UBXN2B: variants seen among roughly 807,000 people sequenced by gnomAD.
UBXN2B encodes the protein UBX domain protein 2B.
In UBXN2B, 19 loss-of-function variants were observed where a neutral mutation model predicts 37.5. The ratio of observed to expected loss-of-function variants is 0.51; its 90% CI spans 0.35 to 0.74. The LOEUF (loss-of-function observed/expected upper bound fraction) is 0.74. Among genes scored for constraint, UBXN2B ranks in the 30% least tolerant of loss-of-function variants. UBXN2B has a pLI of 0.01. For missense variants in UBXN2B, 370 were observed against 393.2 expected, an observed-to-expected ratio of 0.94 and a Z score of 0.50; for synonymous variants, 145 against 143.8, an observed-to-expected ratio of 1.01 and a Z score of -0.06.
rs775165230 is a variant in UBXN2B, at chr8:58,447,437, G to A, written c.882G>A (p.Ala294=). Reference sequence around the variant, plus strand: ...TTGTACAGTCTCGTCCTGAATTTGCGGCTCTTGACTTTATTCTTGTGACTT... The same window carrying A: ...TTGTACAGTCTCGTCCTGAATTTGCAGCTCTTGACTTTATTCTTGTGACTT... ...NFIVQSRPEF[A]ALDFILVTSF... is the part of the protein sequence containing the mutation. Residue 294 remains alanine (A), a synonymous_variant, in exon 8 of 8, where the codon GCG becomes GCA. Coordinates refer to ENST00000399598, the MANE Select transcript of UBXN2B (RefSeq NM_001077619.2). 36 of 1,612,496 alleles carry A rather than the reference G, an allele frequency of 2.2e-5. No homozygotes were observed. Among genetic ancestry groups the A allele is most frequent in the Admixed American group, 1.2e-4 (7 of 59,996 alleles).
chr8:58,425,966 C>G, intron 2 of UBXN2B: 1 of 1,441,314 alleles, frequency 6.9e-7, no homozygotes, highest in Admixed American at 1.7e-5. Flanking sequence ...TACAAGAAAA[C>G]TACCATGTTT....
chr8:58,424,965 G>C (rs973005549), intron 2 of UBXN2B: 2 of 800,380 alleles, frequency 2.5e-6, no homozygotes, highest in Non-Finnish European at 4.5e-6. Context: ...CAATCACAAC[G>C]TATGTCCCTG....
At chr8:58,425,285 C>T in intron 2 of UBXN2B, 2 of 1,148,322 alleles carry the variant, frequency 1.7e-6, no homozygotes, top group Middle Eastern at 2.0e-4. Flanking sequence ...TTACTCTATC[C>T]TCTCTCCACT....
At chr8:58,415,153 G>T (rs1035097548) in intron 1 of UBXN2B, among the ~76,000 whole-genome samples, 1 of 151,992 alleles carries the variant, frequency 6.6e-6, no homozygotes, top group Non-Finnish European at 1.5e-5. Flanking sequence ...TGCTTAATAT[G>T]AATGTCATTG....
Position 58,416,771 on chromosome 8 carries a change from T to C in UBXN2B, c.85-79T>C, listed in dbSNP as rs1807794364. On this transcript the variant is annotated intron_variant, in intron 1 of 7. Coordinates refer to ENST00000399598, the MANE Select transcript of UBXN2B (RefSeq NM_001077619.2). ...TCTTTACCACTCAATTTTAAGTTAG[T>C]GTTCTATACATAACTTCTAGTTGTA... is the stretch of plus-strand genomic sequence containing the variant. 5 of 1,173,502 alleles carry C rather than the reference T, an allele frequency of 4.3e-6. No homozygotes were observed. In the African/African-American group the frequency reaches 4.7e-5, roughly 11 times the overall value. 72.7% of individuals were successfully genotyped at this position (1,173,502 alleles called of 1,614,324 possible). A position where few individuals can be genotyped will look rare whatever the true frequency, so the allele number is the denominator to read the frequency against.
rs112065079 is a variant in UBXN2B, at chr8:58,439,785, A to T, written c.671+15A>T. The T allele has an allele frequency of 4.3e-4, 684 of 1,584,730 alleles. 6 individuals carry two copies. In the African/African-American group the frequency reaches 8.6e-3, roughly 20 times the overall value. Reference sequence around the variant, plus strand: ...AAACTTGGAAGGTAAAAATCCTAAAATGAGAAAAATACCTTTGTTGAACAT... The same window carrying T: ...AAACTTGGAAGGTAAAAATCCTAAATTGAGAAAAATACCTTTGTTGAACAT... On this transcript the variant is annotated intron_variant, in intron 6 of 7. Transcript: ENST00000399598.
chr8:58,441,512 A>G (rs1391969048), intron 6 of UBXN2B, among the ~76,000 whole-genome samples: 1 of 152,024 alleles, frequency 6.6e-6, no homozygotes, highest in Admixed American at 6.5e-5. Context: ...CATCTCTTCA[A>G]TATATACATA....
At chr8:58,438,599 G>A (rs1808475166) in intron 5 of UBXN2B, among the ~76,000 whole-genome samples, 1 of 152,216 alleles carries the variant, frequency 6.6e-6, no homozygotes, top group South Asian at 2.1e-4. Flanking sequence ...CTTTTGGAAT[G>A]GGAATGTTTA....
At chr8:58,416,398 T>A (rs1807784566) in intron 1 of UBXN2B, among the ~76,000 whole-genome samples, 1 of 152,120 alleles carries the variant, frequency 6.6e-6, no homozygotes, top group African/African-American at 2.4e-5. Context: ...TTGGTAGACT[T>A]TTAAATAGAA....
intron 5 of UBXN2B, 122 bp downstream of exon 5, chr8:58,434,626 T>C: frequency 1.1e-6 from 1 of 910,476 alleles, no homozygotes; most frequent in Non-Finnish European, 1.6e-6. Flanking sequence ...ATTAAATAAA[T>C]GGTTGCTGGG....
chr8:58,427,792 G>C (rs1808142490), intron 2 of UBXN2B, among the ~76,000 whole-genome samples: 1 of 152,210 alleles, frequency 6.6e-6, no homozygotes, highest in Non-Finnish European at 1.5e-5. Context: ...AGAGTCATCT[G>C]TATAGGAAGA....
Position 58,448,130 on chromosome 8 carries a change from G to T in UBXN2B, c.*579G>T, listed in dbSNP as rs1265399996. ...TTTGCCTTGTATTTTACAGAATTAT[G>T]ACTGTTGTGAACTTAAACAGAAACA... is the stretch of plus-strand genomic sequence containing the variant. On this transcript the variant is annotated 3_prime_UTR_variant, in exon 8 of 8. Transcript: ENST00000399598. The T allele has an allele frequency of 6.6e-6, 1 of 150,650 alleles. No homozygotes were observed. The highest frequency in any genetic ancestry group is 1.5e-5 in the Non-Finnish European group (1 of 67,826). 9.3% of individuals were successfully genotyped at this position (150,650 alleles called of 1,614,324 possible). A position where few individuals can be genotyped will look rare whatever the true frequency, so the allele number is the denominator to read the frequency against.
At chr8:58,426,054 C>T (rs1808075159) in intron 2 of UBXN2B, 4 of 1,387,534 alleles carry the variant, frequency 2.9e-6, no homozygotes, top group Admixed American at 1.7e-5. Context: ...GCAGGATCTG[C>T]ACAGTTCAGA....
In UBXN2B at chr8:58,447,600, A is replaced by G. The variant is rs1808711049; in HGVS notation, c.*49A>G. 1 of 1,493,544 alleles carries G rather than the reference A, an allele frequency of 6.7e-7. No individual in the cohort carries two copies. Among genetic ancestry groups the G allele is most frequent in the Non-Finnish European group, 9.0e-7 (1 of 1,107,344 alleles). 92.5% of individuals were successfully genotyped at this position (1,493,544 alleles called of 1,614,324 possible). Reference sequence around the variant, plus strand: ...CATGTGGGAATAGATGATGTGCCGTATTAATAAGGACAATACTTCAGCATT... The same window carrying G: ...CATGTGGGAATAGATGATGTGCCGTGTTAATAAGGACAATACTTCAGCATT... On this transcript the variant is annotated 3_prime_UTR_variant, in exon 8 of 8. Coordinates refer to ENST00000399598, the MANE Select transcript of UBXN2B (RefSeq NM_001077619.2).
intron 2 of UBXN2B, among the ~76,000 whole-genome samples, chr8:58,423,706 A>G (rs866612661): frequency 1.7e-4 from 25 of 150,922 alleles, no homozygotes; most frequent in Admixed American, 3.3e-4. Flanking sequence ...AAGTGCTGGG[A>G]TTACAGGCGT....
intron 5 of UBXN2B, among the ~76,000 whole-genome samples, chr8:58,439,055 A>G (rs939659746): frequency 6.6e-6 from 1 of 152,120 alleles, no homozygotes; most frequent in Admixed American, 6.5e-5. Flanking sequence ...GCCATGTGAT[A>G]TGCTGGGTCC....
In UBXN2B at chr8:58,432,726, C is replaced by T. The variant is rs150263868; in HGVS notation, c.340-434C>T. ...TGACACAATATTGATATACTAAAGA[C>T]GAACAGTTACGTGTCTTTTGTGGTA... On this transcript the variant is annotated intron_variant, in intron 3 of 7. Transcript: ENST00000399598. Among the ~76,000 whole-genome samples, 552 of 152,232 alleles carry T rather than the reference C, an allele frequency of 3.6e-3. 6 individuals carry two copies. The highest frequency in any genetic ancestry group is 0.013 in the African/African-American group (524 of 41,526).
intron 4 of UBXN2B, among the ~76,000 whole-genome samples, chr8:58,433,835 T>C (rs1182581591): frequency 6.6e-6 from 1 of 152,042 alleles, no homozygotes. Flanking sequence ...TTATAAATGG[T>C]ATATTTTCAT....
In UBXN2B at chr8:58,435,088, C is replaced by A. The variant is rs1482990898; in HGVS notation, c.533+584C>A. 7.0e-6 allele frequency: 10 copies of A among 1,428,000 alleles called. No individual in the cohort carries two copies. The East Asian group carries it at 2.3e-4, about 33-fold the overall frequency. 88.5% of individuals were successfully genotyped at this position (1,428,000 alleles called of 1,614,324 possible). On this transcript the variant is annotated intron_variant, in intron 5 of 7. Coordinates refer to ENST00000399598, the MANE Select transcript of UBXN2B (RefSeq NM_001077619.2). The stretch of plus-strand genomic sequence containing the variant: ...TTTTGCTATGATAATAAAAGCTTTT[C>A]TGTGTTATGATTAAACTAGCTGAAA...
Sources: gnomAD v4.1 joint callset for allele counts (sites outside exome capture counted in the v4.1 genomes callset) on GRCh38, gnomAD v4.1.1 for gene constraint, MANE v1.5 for transcripts, NCBI Gene and HGNC (gene_info 2026-07-23, HGNC 2026-07-21) for gene names.